SMO: variants seen among roughly 807,000 people sequenced by gnomAD.
SMO encodes protein smoothened.
Under a neutral mutation model 81.6 loss-of-function variants are expected in SMO, and 40 were observed. That is an observed-to-expected ratio of 0.49 (90% CI 0.38 to 0.64). The LOEUF (loss-of-function observed/expected upper bound fraction) is 0.64, where lower values mean the gene tolerates loss of function less well. Among genes scored for constraint, SMO ranks in the 30% least tolerant of loss-of-function variants. SMO has a pLI of 0.00. For missense variants in SMO, 916 were observed against 1,061.1 expected, an observed-to-expected ratio of 0.86 and a Z score of 1.90; for synonymous variants, 434 against 432.1, an observed-to-expected ratio of 1.00 and a Z score of -0.05.
intron 1 of SMO, among the ~76,000 whole-genome samples, chr7:129,193,786 ATATATAT>A (rs1282581315): frequency 2.3e-4 from 5 of 21,396 alleles, no homozygotes; most frequent in African/African-American, 9.5e-4. Context: ...AAAAAAAAAA[ATATATAT>A]ATATATATAT....
At chr7:129,203,290 G>T in intron 1 of SMO, 94 bp from the exon 2 acceptor site, 2 of 907,512 alleles carry the variant, frequency 2.2e-6, no homozygotes, top group Non-Finnish European at 3.4e-6. Context: ...GTGATGGGCT[G>T]CAGTGTGGCA....
At chr7:129,204,657 A>C (rs951560852) in intron 2 of SMO, among the ~76,000 whole-genome samples, 1 of 151,518 alleles carries the variant, frequency 6.6e-6, no homozygotes, top group African/African-American at 2.4e-5. Flanking sequence ...CTCTTTCTAT[A>C]TATATAATAT....
Position 129,211,344 on chromosome 7 carries a change from G to A in SMO, c.1801+231G>A. On this transcript the variant is annotated intron_variant, in intron 10 of 11. Coordinates refer to ENST00000249373, the MANE Select transcript of SMO (RefSeq NM_005631.5). The surrounding 1 kb of genome is among the most constrained non-coding windows in gnomAD (Gnocchi z 4.6). ...CTGCTTGCCGGTGCTTGGGTTCCAA[G>A]AAGACTCCCCTCCCTCTCCCTTCTC... 1.4e-6 allele frequency: 1 copy of A among 711,770 alleles called. No homozygotes were observed. The highest frequency in any genetic ancestry group is 2.5e-6 in the Non-Finnish European group (1 of 394,644). 44.1% of individuals were successfully genotyped at this position (711,770 alleles called of 1,614,324 possible). A position where few individuals can be genotyped will look rare whatever the true frequency, so the allele number is the denominator to read the frequency against.
At chr7:129,196,171 T>C (rs1793575731) in intron 1 of SMO, among the ~76,000 whole-genome samples, 1 of 151,758 alleles carries the variant, frequency 6.6e-6, no homozygotes, top group South Asian at 2.1e-4. Context: ...CTTACATTCA[T>C]AATTGGAGGA....
chr7:129,195,889 C>A (rs1403796927), intron 1 of SMO, among the ~76,000 whole-genome samples: 1 of 151,988 alleles, frequency 6.6e-6, no homozygotes, highest in East Asian at 1.9e-4. Context: ...ATCACGAGGT[C>A]AGGAAGTCGA....
chr7:129,206,781 T>C lies in SMO; in HGVS notation c.1264+194T>C, dbSNP rs1384276667. 6.6e-6 allele frequency among the ~76,000 whole-genome samples: 1 copy of C among 152,212 alleles called. No individual in the cohort carries two copies. The highest frequency in any genetic ancestry group is 1.5e-5 in the Non-Finnish European group (1 of 68,038). ...CACTTGCTGCGGGACAGCACCTTTG[T>C]ACTGGCCAGAAAAATCCATCCCTCT... On this transcript the variant is annotated intron_variant, in intron 6 of 11. Transcript: ENST00000249373. The surrounding 1 kb of genome is among the most constrained non-coding windows in gnomAD (Gnocchi z 4.4).
chr7:129,194,386 A>G (rs1793536563), intron 1 of SMO, among the ~76,000 whole-genome samples: 1 of 152,086 alleles, frequency 6.6e-6, no homozygotes, highest in African/African-American at 2.4e-5. Flanking sequence ...ATTTTGCTTC[A>G]GATCTTTAAC....
chr7:129,190,367 C>A (rs1052516162), intron 1 of SMO, among the ~76,000 whole-genome samples: 1 of 152,202 alleles, frequency 6.6e-6, no homozygotes. Flanking sequence ...TACTCTCCCC[C>A]ACCTGTCACT....
At position 129,208,179 on chromosome 7, in the gene SMO, A is replaced by G. The variant is rs1187187973; in HGVS notation, c.1265-580A>G. Among the ~76,000 whole-genome samples the G allele has an allele frequency of 2.6e-5, 4 of 152,044 alleles. No homozygotes were observed. The highest frequency in any genetic ancestry group is 5.9e-5 in the Non-Finnish European group (4 of 68,000). ...CACATATTTCTATGGGAAGGCCGGC[A>G]TGGTGGCTCACACCTGTAATCCCAG... is the stretch of plus-strand genomic sequence containing the variant. On this transcript the variant is annotated intron_variant, in intron 6 of 11. Coordinates refer to ENST00000249373, the MANE Select transcript of SMO (RefSeq NM_005631.5). This position sits in a 1 kb window ranked among gnomAD's most constrained non-coding sequence, Gnocchi z 5.2.
Position 129,212,200 on chromosome 7 carries a change from C to T in SMO, c.2113C>T (p.Pro705Ser), listed in dbSNP as rs1793884795. Residue 705 changes from proline (P) to serine (S), a missense_variant, in exon 12 of 12, where the codon CCT becomes TCT. Coordinates refer to ENST00000249373, the MANE Select transcript of SMO (RefSeq NM_005631.5). The surrounding 1 kb of genome is among the most constrained non-coding windows in gnomAD (Gnocchi z 5.0). ...APAPSTIPRL[P>S]QLPRQKCLVA... The stretch of plus-strand genomic sequence containing the variant: ...TGCCCCCAGTACCATTCCTCGACTG[C>T]CTCAGCTGCCCCGGCAGAAATGCCT... 3.2e-6 allele frequency: 5 copies of T among 1,564,744 alleles called. No individual in the cohort carries two copies. Among genetic ancestry groups the T allele is most frequent in the Middle Eastern group, 3.4e-4 (2 of 5,964 alleles).
chr7:129,198,968 T>G (rs911810624), intron 1 of SMO, among the ~76,000 whole-genome samples: 1 of 152,226 alleles, frequency 6.6e-6, no homozygotes, highest in Admixed American at 6.5e-5. Context: ...GGATATGGAT[T>G]CAAGCTGTTT....
chr7:129,191,908 A>G (rs1017861804), intron 1 of SMO, among the ~76,000 whole-genome samples: 3 of 152,244 alleles, frequency 2.0e-5, no homozygotes, highest in African/African-American at 7.2e-5. Context: ...GATGAAGAAT[A>G]CAGATATGAT....
intron 2 of SMO, among the ~76,000 whole-genome samples, chr7:129,204,098 C>T (rs1009725689): frequency 6.6e-6 from 1 of 151,716 alleles, no homozygotes; most frequent in Non-Finnish European, 1.5e-5. Flanking sequence ...TTTGGGAGGT[C>T]GAGGTGGGCA....
In SMO at chr7:129,211,184, G is replaced by A. The variant is rs2150655066; in HGVS notation, c.1801+71G>A. ...CCCATGTGCTAGTCTCTCCCAGCCT[G>A]CTGGGGGCACACAGATTATTTGGAA... On this transcript the variant is annotated intron_variant, in intron 10 of 11. Coordinates refer to ENST00000249373, the MANE Select transcript of SMO (RefSeq NM_005631.5). This position sits in a 1 kb window ranked among gnomAD's most constrained non-coding sequence, Gnocchi z 4.6. 2 of 1,486,570 alleles carry A rather than the reference G, an allele frequency of 1.3e-6. No homozygotes were observed. The highest frequency in any genetic ancestry group is 1.2e-5 in the South Asian group (1 of 80,814). 92.1% of individuals were successfully genotyped at this position (1,486,570 alleles called of 1,614,324 possible).
At chr7:129,203,742 G>A (rs1793710809) in intron 2 of SMO, among the ~76,000 whole-genome samples, 153 bp downstream of exon 2, 1 of 152,180 alleles carries the variant, frequency 6.6e-6, no homozygotes, top group Non-Finnish European at 1.5e-5. Context: ...AACTCAAACT[G>A]CAGCTCACTG....
rs1793750951 is a variant in SMO, at chr7:129,205,614, C to T, written c.752C>T (p.Thr251Ile). ...TGGCCCACTTCTCTCTTCTAGGCCA[C>T]ATTCGTGGCTGACTGGCGGAACTCG... ...TGLCTLFTLA[T>I]FVADWRNSNR... The change falls in exon 4 of 12, where the codon ACA (threonine) becomes ATA (isoleucine). Residue 251 changes from threonine (T) to isoleucine (I), a missense_variant. Around this residue, in one of 4 missense-constraint regions of SMO, gnomAD observed 436 missense variants for 570.9 expected, o/e 0.76. Coordinates refer to ENST00000249373, the MANE Select transcript of SMO (RefSeq NM_005631.5). 2 of 1,613,288 alleles carry T rather than the reference C, an allele frequency of 1.2e-6. No homozygotes were observed. Among genetic ancestry groups the T allele is most frequent in the Admixed American group, 1.7e-5 (1 of 60,002 alleles).
rs2150649707 is a variant in SMO, at chr7:129,206,102, G to A, written c.921-48G>A. 1 of 1,422,160 alleles carries A rather than the reference G, an allele frequency of 7.0e-7. No individual in the cohort carries two copies. Among genetic ancestry groups the A allele is most frequent in the Non-Finnish European group, 9.7e-7 (1 of 1,028,376 alleles). The allele number at this position is 1,422,160 out of a possible 1,614,324, so 88.1% of individuals were successfully genotyped here. On this transcript the variant is annotated intron_variant, in intron 4 of 11. Transcript: ENST00000249373. This position sits in a 1 kb window ranked among gnomAD's most constrained non-coding sequence, Gnocchi z 4.4. ...GCACAGGGTGGGGAGACCAGGTAGA[G>A]GGAGTACAGAGTGACCGCCTCAAGT...
intron 1 of SMO, among the ~76,000 whole-genome samples, chr7:129,193,823 G>T (rs1793524685): frequency 1.0e-5 from 1 of 96,006 alleles, no homozygotes; most frequent in Non-Finnish European, 2.0e-5. Flanking sequence ...TATATGTATA[G>T]GCTGGGTGCA....
At position 129,205,421 on chromosome 7, in the gene SMO, C is replaced by T. The variant is rs775532675; in HGVS notation, c.747+9C>T. ...GCACGCTCTTCACCCTGGTCAGCCG[C>T]GGGAGGGCAGGCCCGGGGGGCCCTC... On this transcript the variant is annotated intron_variant, in intron 3 of 11. Coordinates refer to ENST00000249373, the MANE Select transcript of SMO (RefSeq NM_005631.5). The T allele has an allele frequency of 1.4e-5, 23 of 1,604,714 alleles. No homozygotes were observed. The highest frequency in any genetic ancestry group is 1.4e-4 in the East Asian group (6 of 44,432).
Sources: gnomAD v4.1 joint callset for allele counts (sites outside exome capture counted in the v4.1 genomes callset) on GRCh38, gnomAD v4.1.1 for gene constraint, gnomAD v4.1.1 regional missense constraint, Gnocchi (gnomAD v3.1) non-coding constraint, MANE v1.5 for transcripts, NCBI Gene and HGNC (gene_info 2026-07-23, HGNC 2026-07-21) for gene names.